ARB2A: variants seen among roughly 807,000 people sequenced by gnomAD.
ARB2A encodes the protein ARB2 cotranscriptional regulator A, also known as cotranscriptional regulator ARB2A.
chr5:93,993,721 C>G, the ARB2A span, among the ~76,000 whole-genome samples: 1 of 151,696 alleles, frequency 6.6e-6, no homozygotes, highest in South Asian at 2.1e-4. Context: ...TTAAAATGTA[C>G]AATGGGCTGT....
At chr5:94,099,307 G>A in the ARB2A span, among the ~76,000 whole-genome samples, 4 of 152,156 alleles carry the variant, frequency 2.6e-5, no homozygotes, top group Non-Finnish European at 5.9e-5. Flanking sequence ...TCCCCAGGAT[G>A]CAAGGCTGAT....
At chr5:94,035,019 A>G in the ARB2A span, among the ~76,000 whole-genome samples, 1 of 151,256 alleles carries the variant, frequency 6.6e-6, no homozygotes, top group Non-Finnish European at 1.5e-5. Context: ...AACATCCCCC[A>G]CCCCCAGTCC....
the ARB2A span, among the ~76,000 whole-genome samples, chr5:93,843,567 A>T: frequency 2.6e-5 from 4 of 151,846 alleles, no homozygotes. Flanking sequence ...GGGACTACAG[A>T]CACGTGCCAC....
At chr5:93,700,616 A>G in the ARB2A span, among the ~76,000 whole-genome samples, 1 of 152,120 alleles carries the variant, frequency 6.6e-6, no homozygotes, top group African/African-American at 2.4e-5. Flanking sequence ...TTCTATTTAT[A>G]AAGAGAGTAC....
At chr5:93,772,564 A>G in the ARB2A span, among the ~76,000 whole-genome samples, 1 of 152,218 alleles carries the variant, frequency 6.6e-6, no homozygotes, top group South Asian at 2.1e-4. Flanking sequence ...AAAACAATAT[A>G]CATTTATCAT....
the ARB2A span, among the ~76,000 whole-genome samples, chr5:93,882,665 T>C: frequency 0.012 from 1,764 of 151,452 alleles, 39 homozygotes; most frequent in African/African-American, 0.04. Flanking sequence ...GTAACACAAA[T>C]TTTTGAAGCT....
the ARB2A span, among the ~76,000 whole-genome samples, chr5:93,954,168 T>C: frequency 5.9e-5 from 9 of 152,242 alleles, no homozygotes; most frequent in African/African-American, 2.2e-4. Flanking sequence ...CCCTTTATTT[T>C]TCCCCCTGCT....
At chr5:93,848,226 T>C in the ARB2A span, among the ~76,000 whole-genome samples, 852 of 151,702 alleles carry the variant, frequency 5.6e-3, 5 homozygotes, top group East Asian at 9.1e-3. Context: ...CTACTGAAAA[T>C]ACAAAAATTA....
At chr5:93,917,286 A>G in the ARB2A span, among the ~76,000 whole-genome samples, 7 of 152,196 alleles carry the variant, frequency 4.6e-5, no homozygotes, top group South Asian at 1.5e-3. Context: ...CCTCTGACTA[A>G]CTCTGTAAAG....
the ARB2A span, chr5:93,784,532 A>G: frequency 1.3e-6 from 2 of 1,560,280 alleles, no homozygotes; most frequent in Admixed American, 1.7e-5. Flanking sequence ...AATATTGGCT[A>G]TAATTGTTTT....
chr5:93,913,540 G>T, the ARB2A span, among the ~76,000 whole-genome samples: 4 of 151,844 alleles, frequency 2.6e-5, no homozygotes, highest in Non-Finnish European at 5.9e-5. Flanking sequence ...ATGAAAAACT[G>T]ATTTCCAGTC....
the ARB2A span, among the ~76,000 whole-genome samples, chr5:94,042,286 A>G: frequency 1.3e-5 from 2 of 150,158 alleles, no homozygotes; most frequent in Non-Finnish European, 3.0e-5. Context: ...TTCTTAGAGC[A>G]CTGATCTGCT....
the ARB2A span, among the ~76,000 whole-genome samples, chr5:94,029,175 A>G: frequency 1.1e-4 from 17 of 152,226 alleles, no homozygotes; most frequent in East Asian, 3.3e-3. Flanking sequence ...TATTTTTAGT[A>G]GGGATGGGGT....
chr5:93,939,813 C>T, the ARB2A span, among the ~76,000 whole-genome samples: 2 of 152,040 alleles, frequency 1.3e-5, no homozygotes, highest in South Asian at 2.1e-4. Flanking sequence ...ATAGCACATA[C>T]ATTCATCGTA....
At chr5:93,806,700 T>C in the ARB2A span, among the ~76,000 whole-genome samples, 9 of 151,926 alleles carry the variant, frequency 5.9e-5, no homozygotes, top group African/African-American at 2.2e-4. Context: ...AGAAATATGA[T>C]CTCTAACATT....
At chr5:93,821,071 A>G in the ARB2A span, among the ~76,000 whole-genome samples, 1 of 152,198 alleles carries the variant, frequency 6.6e-6, no homozygotes, top group African/African-American at 2.4e-5. Context: ...ATTTTAAGAT[A>G]GGATATAATA....
At chr5:93,866,512 TATGA>T in the ARB2A span, among the ~76,000 whole-genome samples, 1 of 152,084 alleles carries the variant, frequency 6.6e-6, no homozygotes, top group Non-Finnish European at 1.5e-5. Context: ...CACTTCAGAA[TATGA>T]ATGGAGAGAA....
At chr5:93,738,002 C>T in the ARB2A span, 1 of 415,080 alleles carries the variant, frequency 2.4e-6, no homozygotes, top group Non-Finnish European at 4.7e-6. Context: ...CTGTCTGCAT[C>T]AAAAGATACA....
At chr5:93,823,813 A>C in the ARB2A span, among the ~76,000 whole-genome samples, 2 of 151,780 alleles carry the variant, frequency 1.3e-5, no homozygotes, top group African/African-American at 4.8e-5. Flanking sequence ...AAATTAGCTG[A>C]GCATGGTGGT....
Sources: allele counts gnomAD v4.1 joint callset (sites outside exome capture counted in the v4.1 genomes callset), GRCh38; gene constraint gnomAD v4.1.1; transcripts MANE v1.5; gene names NCBI Gene and HGNC (gene_info 2026-07-23, HGNC 2026-07-21).